Variants in DNMT3A observed in about 807,000 individuals in gnomAD.
DNMT3A encodes DNA methyltransferase 3 alpha.
DNMT3A carries 267 observed loss-of-function variants against 117.6 expected under a neutral mutation model. The observed-to-expected ratio is 2.27, with a 90% confidence interval of 2.05 to 2.51. DNMT3A has a LOEUF of 2.51. DNMT3A is among the 30% of genes most tolerant of loss of function. The pLI is 0.00. For synonymous variants in DNMT3A, 432 were observed against 474.8 expected (o/e 0.91, Z 1.17); for missense variants, 1,029 against 1,260.2 (o/e 0.82, Z 2.78).
chr2:25,251,209 G>C (rs1306424732), intron 6 of DNMT3A, among the ~76,000 whole-genome samples: 5 of 148,768 alleles, frequency 3.4e-5, no homozygotes, highest in Non-Finnish European at 7.5e-5. Context: ...GGGGCAGCCG[G>C]AGCTGGGTGG....
chr2:25,239,263 ACAGCGCCGG>A (rs1673713839), intron 19 of DNMT3A, 48 bp from the exon 20 acceptor site: 2 of 1,554,172 alleles, frequency 1.3e-6, no homozygotes, highest in Non-Finnish European at 1.8e-6. Flanking sequence ...GGAGCATGAA[ACAGCGCCGG>A]CATGCTGCTG....
chr2:25,243,814 T>C, intron 16 of DNMT3A, 84 bp downstream of exon 16: 2 of 1,403,886 alleles, frequency 1.4e-6, no homozygotes, highest in Non-Finnish European at 2.0e-6. Context: ...TAACCATCAT[T>C]TCGTTTTGCC....
At position 25,304,481 on chromosome 2, in the gene DNMT3A, C is replaced by T. The variant is rs2033681384; in HGVS notation, c.73-4238G>A. 2.0e-5 allele frequency among the ~76,000 whole-genome samples: 3 copies of T among 152,194 alleles called. No homozygotes were observed. The highest frequency in any genetic ancestry group is 1.3e-4 in the Admixed American group (2 of 15,278). ...CTGCCTCGTGCAAATCCCAGCACGCCGCCCACCATATGCAGCGATCCCTCA... is the reference window on the plus strand; with the variant it reads ...CTGCCTCGTGCAAATCCCAGCACGCTGCCCACCATATGCAGCGATCCCTCA... On this transcript the variant is annotated intron_variant, in intron 2 of 22. Transcript: ENST00000321117. This position sits in a 1 kb window ranked among gnomAD's most constrained non-coding sequence, Gnocchi z 4.3.
Position 25,293,681 on chromosome 2 carries a change from T to A in DNMT3A, c.177+6458A>T, listed in dbSNP as rs1260319519. ...TTTATTATATATATATATAAAAATT[T>A]ATTTTTTTGAGACAGAGTCTCCCTC... On this transcript the variant is annotated intron_variant, in intron 3 of 22. Transcript: ENST00000321117. This position sits in a 1 kb window ranked among gnomAD's most constrained non-coding sequence, Gnocchi z 4.7. 6.6e-6 allele frequency among the ~76,000 whole-genome samples: 1 copy of A among 151,964 alleles called. No individual in the cohort carries two copies. The highest frequency in any genetic ancestry group is 2.4e-5 in the African/African-American group (1 of 41,374).
intron 20 of DNMT3A, among the ~76,000 whole-genome samples, chr2:25,238,267 C>A (rs991186691): frequency 4.6e-5 from 7 of 152,186 alleles, no homozygotes; most frequent in African/African-American, 1.7e-4. Context: ...TTCCCCTCAA[C>A]AAGCCCTCGA....
intron 1 of DNMT3A, 24 bp from the exon 2 acceptor site, chr2:25,314,185 G>A (rs2034269913): frequency 7.1e-7 from 1 of 1,414,732 alleles, no homozygotes; most frequent in Non-Finnish European, 9.2e-7. Context: ...AAGAGGATCA[G>A]TGGGGCGGAG....
Position 25,246,925 on chromosome 2 carries a change from C to T in DNMT3A, c.1122+126G>A, listed in dbSNP as rs186121452. The T allele has an allele frequency of 7.5e-5, 111 of 1,470,974 alleles. No individual in the cohort carries two copies. In the East Asian group the frequency reaches 1.4e-3, roughly 19 times the overall value. The allele number at this position is 1,470,974 out of a possible 1,614,324, so 91.1% of individuals were successfully genotyped here. ...GGAGCGGGATGTGCATACGGGCGAG[C>T]GAGGTGGAGAGAAAGGAGTCGCTGC... On this transcript the variant is annotated intron_variant, in intron 9 of 22. Transcript: ENST00000321117.
rs764679587 is a variant in DNMT3A, at chr2:25,244,213, C to T, written c.1793G>A (p.Arg598Gln). 8 of 1,613,944 alleles carry T rather than the reference C, an allele frequency of 5.0e-6. No individual in the cohort carries two copies. Among genetic ancestry groups the T allele is most frequent in the East Asian group, 2.2e-5 (1 of 44,876 alleles). ...HKGTYGLLRR[R>Q]EDWPSRLQMF... ...CTGGAGCCGGGAGGGCCAGTCCTCT[C>T]GCCGCCGCAGCAGCCCGTAGGTACC... is the stretch of plus-strand genomic sequence containing the variant. Residue 598 changes from arginine to glutamine, a missense_variant, in exon 15 of 23, where the codon CGA becomes CAA. Physicochemically the swap from Arg to Gln is conservative, Grantham distance 43. Coordinates refer to ENST00000321117, the MANE Select transcript of DNMT3A (RefSeq NM_022552.5).
intron 12 of DNMT3A, 134 bp from the exon 13 acceptor site, chr2:25,245,466 C>T (rs1674643776): frequency 4.0e-6 from 3 of 749,188 alleles, no homozygotes; most frequent in South Asian, 1.8e-5. Context: ...CCAGGGTGCC[C>T]CACGGAAAAG....
intron 1 of DNMT3A, among the ~76,000 whole-genome samples, chr2:25,326,845 G>A (rs528136415): frequency 7.2e-5 from 11 of 152,352 alleles, no homozygotes; most frequent in East Asian, 1.9e-4. Flanking sequence ...CCAGCAACAC[G>A]TCAGTCAGGA....
chr2:25,240,811 T>C, intron 17 of DNMT3A, 81 bp from the exon 18 acceptor site: 2 of 1,439,110 alleles, frequency 1.4e-6, no homozygotes, highest in Non-Finnish European at 1.9e-6. Flanking sequence ...ATCTGTGAAC[T>C]TGGCAAAGAA....
At chr2:25,308,277 C>T (rs1405414975) in intron 2 of DNMT3A, among the ~76,000 whole-genome samples, 1 of 152,138 alleles carries the variant, frequency 6.6e-6, no homozygotes, top group Non-Finnish European at 1.5e-5. Flanking sequence ...CACTTGCACA[C>T]ACCATCTCGT....
rs1672751470 is a variant in DNMT3A, at chr2:25,228,256, A to AAAAAAGAGG, written c.*6022_*6023insCCTCTTTTT. 1 of 96,050 alleles carries AAAAAAGAGG rather than the reference A, an allele frequency of 1.0e-5. No individual in the cohort carries two copies. The highest frequency in any genetic ancestry group is 3.8e-5 in the African/African-American group (1 of 26,444). The allele number at this position is 96,050 out of a possible 1,614,324, so 5.9% of individuals were successfully genotyped here. ...AAAAAAAAAAAAAAAAAAAAAATACAGTGGTGAAAGGATGCTGGAACCAGG... is the reference window on the plus strand; with the variant it reads ...AAAAAAAAAAAAAAAAAAAAAATACAAAAAAGAGGGTGGTGAAAGGATGCTGGAACCAGG... On this transcript the variant is annotated 3_prime_UTR_variant, in exon 23 of 23. Coordinates refer to ENST00000321117, the MANE Select transcript of DNMT3A (RefSeq NM_022552.5).
chr2:25,287,591 C>T (rs1012542040), intron 3 of DNMT3A, among the ~76,000 whole-genome samples: 2 of 152,062 alleles, frequency 1.3e-5, no homozygotes, highest in Non-Finnish European at 2.9e-5. Context: ...TCAACTGGGG[C>T]GATTTTGCTA....
intron 2 of DNMT3A, among the ~76,000 whole-genome samples, chr2:25,302,647 G>C (rs72847092): frequency 1.1e-3 from 166 of 152,330 alleles, no homozygotes; most frequent in African/African-American, 3.5e-3. Flanking sequence ...TGGGAGGGGA[G>C]GCCTGCTGCT....
Position 25,303,546 on chromosome 2 carries a change from G to A in DNMT3A, c.73-3303C>T, listed in dbSNP as rs114016811. Among the ~76,000 whole-genome samples, 1,073 of 152,358 alleles carry A rather than the reference G, an allele frequency of 7.0e-3. 17 individuals carry two copies. Among genetic ancestry groups the A allele is most frequent in the African/African-American group, 0.024 (993 of 41,580 alleles). On this transcript the variant is annotated intron_variant, in intron 2 of 22. Transcript: ENST00000321117. ...GTCCAGAGAGGGCGGGGAGTGCCAG[G>A]CAGGGGTGCTGTGTGTACCCCACAC...
chr2:25,228,948 G>A lies in DNMT3A; in HGVS notation c.*5331C>T, dbSNP rs925493025. Reference sequence around the variant, plus strand: ...TGGAGCTGAGCCAGGGAGCTTTCCAGTTACGGGAGTTTCGGGAGTCCCAGG... The same window carrying A: ...TGGAGCTGAGCCAGGGAGCTTTCCAATTACGGGAGTTTCGGGAGTCCCAGG... On this transcript the variant is annotated 3_prime_UTR_variant, in exon 23 of 23. Transcript: ENST00000321117. 3 of 152,222 alleles carry A rather than the reference G, an allele frequency of 2.0e-5. No homozygotes were observed. The highest frequency in any genetic ancestry group is 7.2e-5 in the African/African-American group (3 of 41,442). The allele number at this position is 152,222 out of a possible 1,614,324, so 9.4% of individuals were successfully genotyped here.
At chr2:25,243,102 C>T (rs1403345182) in intron 16 of DNMT3A, among the ~76,000 whole-genome samples, 2 of 151,970 alleles carry the variant, frequency 1.3e-5, no homozygotes, top group Admixed American at 6.6e-5. Flanking sequence ...GTCAAGAGAT[C>T]GAGACCAGCC....
chr2:25,234,230 G>T lies in DNMT3A; in HGVS notation c.*49C>A, dbSNP rs1376366170. The T allele has an allele frequency of 6.4e-6, 10 of 1,558,782 alleles. No homozygotes were observed. The Admixed American group carries it at 1.1e-4, about 17-fold the overall frequency. ...TGTTTTATTATGTTTTGTGTTTTTT[G>T]TTTGTTTGTTTAACTTTGTGTCGCT... is the stretch of plus-strand genomic sequence containing the variant. On this transcript the variant is annotated 3_prime_UTR_variant, in exon 23 of 23. Transcript: ENST00000321117. The surrounding 1 kb of genome is among the most constrained non-coding windows in gnomAD (Gnocchi z 4.5).
Sources: allele counts gnomAD v4.1 joint callset (sites outside exome capture counted in the v4.1 genomes callset), GRCh38; gene constraint gnomAD v4.1.1; non-coding constraint Gnocchi (gnomAD v3.1); transcripts MANE v1.5; gene names NCBI Gene and HGNC (gene_info 2026-07-23, HGNC 2026-07-21).